HRH3: variants seen among roughly 807,000 people sequenced by gnomAD.
The protein encoded by HRH3 is histamine H3 receptor.
HRH3 carries 13 observed loss-of-function variants against 21.6 expected under a neutral mutation model. That is an observed-to-expected ratio of 0.60 (90% CI 0.39 to 0.96). The LOEUF (loss-of-function observed/expected upper bound fraction) is 0.96, where lower values mean the gene tolerates loss of function less well. Ranked by LOEUF, HRH3 falls within the 40% of genes least tolerant of loss-of-function variation. HRH3 has a pLI of 0.00. For synonymous variants in HRH3, 276 were observed against 290.3 expected (o/e 0.95, Z 0.50); for missense variants, 461 against 622.7 (o/e 0.74, Z 2.76).
chr20:62,216,645 C>T lies in HRH3; in HGVS notation c.699G>A (p.Leu233=). Residue 233 remains leucine (L), a synonymous_variant, in exon 3 of 3, where the codon CTG becomes CTA. Coordinates refer to ENST00000340177, the MANE Select transcript of HRH3 (RefSeq NM_007232.3). ...LNIQRRTRLR[L]DGAREAAGPE... ...GGCCGGCTGCCTCTCGAGCCCCATC[C>T]AGCCGGAGGCGGGTGCGCCTCTGGA... 2 of 1,612,694 alleles carry T rather than the reference C, an allele frequency of 1.2e-6. No individual in the cohort carries two copies. Among genetic ancestry groups the T allele is most frequent in the Non-Finnish European group, 1.7e-6 (2 of 1,179,856 alleles).
rs1288693054 is a variant in HRH3, at chr20:62,218,202, C to T, written c.417+289G>A. Among the ~76,000 whole-genome samples the T allele has an allele frequency of 6.6e-6, 1 of 152,218 alleles. No homozygotes were observed. ...CTGGCCCCAGATCCTCCCTTAACTC[C>T]GGGGACTGTGGACCTGCCCCAGGGC... On this transcript the variant is annotated intron_variant, in intron 2 of 2. Coordinates refer to ENST00000340177, the MANE Select transcript of HRH3 (RefSeq NM_007232.3). This position sits in a 1 kb window ranked among gnomAD's most constrained non-coding sequence, Gnocchi z 5.6.
Position 62,216,828 on chromosome 20 carries a change from C to T in HRH3, c.516G>A (p.Leu172=). 1 of 1,612,934 alleles carries T rather than the reference C, an allele frequency of 6.2e-7. No homozygotes were observed. The highest frequency in any genetic ancestry group is 1.1e-5 in the South Asian group (1 of 91,082). Residue 172 remains leucine, a synonymous_variant, in exon 3 of 3, where the codon CTG becomes CTA. Coordinates refer to ENST00000340177, the MANE Select transcript of HRH3 (RefSeq NM_007232.3). ...LAFLLYGPAI[L]SWEYLSGGSS... is the part of the protein sequence containing the mutation. ...TGCCCCCGGACAGGTACTCCCAGCT[C>T]AGGATGGCTGGTCCGTACAGCAGGA... is the stretch of plus-strand genomic sequence containing the variant.
In HRH3 at chr20:62,216,600, G is replaced by A. The variant is rs1272524996; in HGVS notation, c.744C>T (p.Ala248=). 23 of 1,608,532 alleles carry A rather than the reference G, an allele frequency of 1.4e-5. No individual in the cohort carries two copies. The highest frequency in any genetic ancestry group is 1.9e-5 in the Non-Finnish European group (22 of 1,178,018). The change falls in exon 3 of 3, where the codon GCC becomes GCT. Residue 248 remains alanine (A), a synonymous_variant. Coordinates refer to ENST00000340177, the MANE Select transcript of HRH3 (RefSeq NM_007232.3). ...CAGGCGGTGGGGGTGGTGAGGGCTG[G>A]GCCTCGGGAGGGGGCTCGGGGCCGG... ...EAAGPEPPPE[A]QPSPPPPPGC... is the part of the protein sequence containing the mutation.
intron 2 of HRH3, among the ~76,000 whole-genome samples, chr20:62,217,827 C>T (rs775948751): frequency 2.0e-4 from 30 of 152,180 alleles, no homozygotes; most frequent in Admixed American, 8.5e-4. Flanking sequence ...AGGGAGAGAC[C>T]ACAGGGGGAT....
In HRH3 at chr20:62,218,864, C is replaced by G. The variant is rs1437341470; in HGVS notation, c.251-207G>C. Among the ~76,000 whole-genome samples, 1 of 151,902 alleles carries G rather than the reference C, an allele frequency of 6.6e-6. No homozygotes were observed. Among genetic ancestry groups the G allele is most frequent in the African/African-American group, 2.4e-5 (1 of 41,348 alleles). Reference sequence around the variant, plus strand: ...ACCCCCACATAGCTCCCAGCACTATCTGTGTCCCCTGGGCCTGGGGGCAGG... The same window carrying G: ...ACCCCCACATAGCTCCCAGCACTATGTGTGTCCCCTGGGCCTGGGGGCAGG... On this transcript the variant is annotated intron_variant, in intron 1 of 2. Transcript: ENST00000340177. The surrounding 1 kb of genome is among the most constrained non-coding windows in gnomAD (Gnocchi z 5.6).
rs1978748132 is a variant in HRH3, at chr20:62,220,021, G to A, written c.-51C>T. ...GGACGCGGGGCAGGGCGCCGGCCGAGAGCTGGGCGGCCGGGAGGGGCCCCG... is the reference window on the plus strand; with the variant it reads ...GGACGCGGGGCAGGGCGCCGGCCGAAAGCTGGGCGGCCGGGAGGGGCCCCG... On this transcript the variant is annotated 5_prime_UTR_variant, in exon 1 of 3. Transcript: ENST00000340177. 3 of 991,408 alleles carry A rather than the reference G, an allele frequency of 3.0e-6. No individual in the cohort carries two copies. The highest frequency in any genetic ancestry group is 3.6e-6 in the Non-Finnish European group (3 of 835,528). 61.4% of individuals were successfully genotyped at this position (991,408 alleles called of 1,614,324 possible).
At position 62,216,904 on chromosome 20, in the gene HRH3, C is replaced by G; in HGVS notation, c.440G>C (p.Gly147Ala). ...TRAVSYRAQQ[G>A]DTRRAVRKML... is the part of the protein sequence containing the mutation. ...CTTCCGCACTGCCCGCCGCGTGTCACCCTGCTGGGCCCGGTATGAGACCTG... is the reference window on the plus strand; with the variant it reads ...CTTCCGCACTGCCCGCCGCGTGTCAGCCTGCTGGGCCCGGTATGAGACCTG... Residue 147 changes from glycine (G) to alanine (A), a missense_variant, in exon 3 of 3, where the codon GGT becomes GCT. Coordinates refer to ENST00000340177, the MANE Select transcript of HRH3 (RefSeq NM_007232.3). 2 of 1,605,414 alleles carry G rather than the reference C, an allele frequency of 1.2e-6. No individual in the cohort carries two copies. The highest frequency in any genetic ancestry group is 8.5e-7 in the Non-Finnish European group (1 of 1,175,128).
Position 62,219,393 on chromosome 20 carries a change from C to T in HRH3, c.250+328G>A, listed in dbSNP as rs1978716116. On this transcript the variant is annotated intron_variant, in intron 1 of 2. Coordinates refer to ENST00000340177, the MANE Select transcript of HRH3 (RefSeq NM_007232.3). The surrounding 1 kb of genome is among the most constrained non-coding windows in gnomAD (Gnocchi z 8.7). Reference sequence around the variant, plus strand: ...CCTTCTCTAAACCGCCCCACTGCGCCCTCCGCGCGTCCTAAGTCCGCAGCA... The same window carrying T: ...CCTTCTCTAAACCGCCCCACTGCGCTCTCCGCGCGTCCTAAGTCCGCAGCA... Among the ~76,000 whole-genome samples the T allele has an allele frequency of 1.3e-5, 2 of 152,250 alleles. No homozygotes were observed. Among genetic ancestry groups the T allele is most frequent in the African/African-American group, 4.8e-5 (2 of 41,564 alleles).
chr20:62,215,908 A>T lies in HRH3; in HGVS notation c.*98T>A. 1.7e-6 allele frequency: 2 copies of T among 1,185,000 alleles called. No individual in the cohort carries two copies. The highest frequency in any genetic ancestry group is 2.3e-6 in the Non-Finnish European group (2 of 866,394). The allele number at this position is 1,185,000 out of a possible 1,614,324, so 73.4% of individuals were successfully genotyped here. On this transcript the variant is annotated 3_prime_UTR_variant, in exon 3 of 3. Transcript: ENST00000340177. ...GAGGGCCACAGACACGGCGGGGCTC[A>T]CCCCTGGGGGAACGAGCCGGGTAGG...
chr20:62,218,203 G>A lies in HRH3; in HGVS notation c.417+288C>T, dbSNP rs1031862930. Among the ~76,000 whole-genome samples, 13 of 152,206 alleles carry A rather than the reference G, an allele frequency of 8.5e-5. No homozygotes were observed. The highest frequency in any genetic ancestry group is 1.5e-4 in the Non-Finnish European group (10 of 68,026). On this transcript the variant is annotated intron_variant, in intron 2 of 2. Transcript: ENST00000340177. This position sits in a 1 kb window ranked among gnomAD's most constrained non-coding sequence, Gnocchi z 5.6. ...TGGCCCCAGATCCTCCCTTAACTCC[G>A]GGGACTGTGGACCTGCCCCAGGGCG...
rs1978477496 is a variant in HRH3 at position 62,215,087 on chromosome 20, C to T, written c.*919G>A. 3.0e-6 allele frequency: 1 copy of T among 330,622 alleles called. No individual in the cohort carries two copies. Among genetic ancestry groups the T allele is most frequent in the Non-Finnish European group, 6.0e-6 (1 of 166,084 alleles). The allele number at this position is 330,622 out of a possible 1,614,324, so 20.5% of individuals were successfully genotyped here. ...CAGCACATGGCGAAGCGGCCCCTGC[C>T]CGGGCACCTCCTCTGGACCGCCCCT... On this transcript the variant is annotated 3_prime_UTR_variant, in exon 3 of 3. Coordinates refer to ENST00000340177, the MANE Select transcript of HRH3 (RefSeq NM_007232.3).
rs1978668830 is a variant in HRH3 at position 62,218,422 on chromosome 20, C to G, written c.417+69G>C. 1 of 1,536,198 alleles carries G rather than the reference C, an allele frequency of 6.5e-7. No homozygotes were observed. The highest frequency in any genetic ancestry group is 1.4e-5 in the African/African-American group (1 of 73,556). ...CAACTCAGAAGTGGCCGTCCCCACC[C>G]AGGTGCCTCCCATGGGCGTCCCGAC... is the stretch of plus-strand genomic sequence containing the variant. On this transcript the variant is annotated intron_variant, in intron 2 of 2. Transcript: ENST00000340177. This position sits in a 1 kb window ranked among gnomAD's most constrained non-coding sequence, Gnocchi z 5.6.
In HRH3 at chr20:62,215,487, T is replaced by C; in HGVS notation, c.*519A>G. 8.8e-6 allele frequency: 4 copies of C among 456,124 alleles called. No individual in the cohort carries two copies. Among genetic ancestry groups the C allele is most frequent in the South Asian group, 6.2e-5 (4 of 64,510 alleles). The allele number at this position is 456,124 out of a possible 1,614,324, so 28.3% of individuals were successfully genotyped here. A position where few individuals can be genotyped will look rare whatever the true frequency, so the allele number is the denominator to read the frequency against. ...TTGACACTTTTGGGGGCAGAGAGAG[T>C]TGGTGGGAAGAGGGGTGAAAGGGCC... On this transcript the variant is annotated 3_prime_UTR_variant, in exon 3 of 3. Transcript: ENST00000340177.
chr20:62,218,991 G>A lies in HRH3; in HGVS notation c.251-334C>T, dbSNP rs1022723566. Among the ~76,000 whole-genome samples, 1 of 151,758 alleles carries A rather than the reference G, an allele frequency of 6.6e-6. No homozygotes were observed. Among genetic ancestry groups the A allele is most frequent in the African/African-American group, 2.4e-5 (1 of 41,300 alleles). On this transcript the variant is annotated intron_variant, in intron 1 of 2. Coordinates refer to ENST00000340177, the MANE Select transcript of HRH3 (RefSeq NM_007232.3). The surrounding 1 kb of genome is among the most constrained non-coding windows in gnomAD (Gnocchi z 5.6). ...TGTCCAGCCCTCCCAGCCCTCAAAG[G>A]AGGAAAGAAGACAATTTCCTTCTCC...
At position 62,215,169 on chromosome 20, in the gene HRH3, G is replaced by T. The variant is rs1357823598; in HGVS notation, c.*837C>A. 1 of 367,850 alleles carries T rather than the reference G, an allele frequency of 2.7e-6. No homozygotes were observed. Among genetic ancestry groups the T allele is most frequent in the Non-Finnish European group, 5.4e-6 (1 of 186,160 alleles). The allele number at this position is 367,850 out of a possible 1,614,324, so 22.8% of individuals were successfully genotyped here. A position where few individuals can be genotyped will look rare whatever the true frequency, so the allele number is the denominator to read the frequency against. ...CCCCCTCCTCCCAACAACCCCCAGA[G>T]GTCCTGGGTGAGCAAACAGAGTGGC... On this transcript the variant is annotated 3_prime_UTR_variant, in exon 3 of 3. Coordinates refer to ENST00000340177, the MANE Select transcript of HRH3 (RefSeq NM_007232.3).
chr20:62,219,927 G>C lies in HRH3; in HGVS notation c.44C>G (p.Ala15Gly). 1 of 1,235,430 alleles carries C rather than the reference G, an allele frequency of 8.1e-7. No individual in the cohort carries two copies. The highest frequency in any genetic ancestry group is 3.0e-5 in the South Asian group (1 of 33,852). 76.5% of individuals were successfully genotyped at this position (1,235,430 alleles called of 1,614,324 possible). The change falls in exon 1 of 3, where the codon GCG becomes GGG. Residue 15 changes from alanine to glycine, a missense_variant. By Grantham distance (60) the Ala-to-Gly change is moderately conservative. Around this residue, in one of 6 missense-constraint regions of HRH3, gnomAD observed 102 missense variants for 155.6 expected, o/e 0.66. Coordinates refer to ENST00000340177, the MANE Select transcript of HRH3 (RefSeq NM_007232.3). This position sits in a 1 kb window ranked among gnomAD's most constrained non-coding sequence, Gnocchi z 8.7. Reference protein sequence around the residue: ...PPDGPLNASGALAGEAAAAGG... With the variant: ...PPDGPLNASGGLAGEAAAAGG... ...CGCCGCCGCCGCCTCGCCCGCCAGC[G>C]CCCCCGAAGCGTTCAGCGGCCCGTC...
In HRH3 at chr20:62,216,813, C is replaced by A. The variant is rs747717944; in HGVS notation, c.531G>T (p.Leu177=). The change falls in exon 3 of 3, where the codon CTG becomes CTT. Residue 177 remains leucine (L), a synonymous_variant. Transcript: ENST00000340177. ...CCTCGGGGATGGAGCTGCCCCCGGA[C>A]AGGTACTCCCAGCTCAGGATGGCTG... The part of the protein sequence containing the change: ...YGPAILSWEY[L]SGGSSIPEGH... 20 of 1,612,986 alleles carry A rather than the reference C, an allele frequency of 1.2e-5. No individual in the cohort carries two copies. Among genetic ancestry groups the A allele is most frequent in the Non-Finnish European group, 1.7e-5 (20 of 1,179,996 alleles).
intron 2 of HRH3, 57 bp from the exon 3 acceptor site, chr20:62,216,983 C>T: frequency 6.8e-7 from 1 of 1,470,566 alleles, no homozygotes; most frequent in African/African-American, 1.4e-5. Flanking sequence ...GCTGGGTGCG[C>T]CCCCGTAGCC....
At position 62,219,919 on chromosome 20, in the gene HRH3, C is replaced by T; in HGVS notation, c.52G>A (p.Gly18Ser). ...GPLNASGALA[G>S]EAAAAGGARG... ...GCCCCGCCCGCCGCCGCCGCCTCGC[C>T]CGCCAGCGCCCCCGAAGCGTTCAGC... Residue 18 changes from glycine (G) to serine (S), a missense_variant, in exon 1 of 3, where the codon GGC (glycine) becomes AGC (serine). By Grantham distance (56) the Gly-to-Ser change is moderately conservative. Transcript: ENST00000340177. The surrounding 1 kb of genome is among the most constrained non-coding windows in gnomAD (Gnocchi z 8.7). The T allele has an allele frequency of 7.7e-7, 1 of 1,304,706 alleles. No homozygotes were observed. Among genetic ancestry groups the T allele is most frequent in the Non-Finnish European group, 9.7e-7 (1 of 1,033,920 alleles). The allele number at this position is 1,304,706 out of a possible 1,614,324, so 80.8% of individuals were successfully genotyped here.
Sources: gnomAD v4.1 joint callset for allele counts (sites outside exome capture counted in the v4.1 genomes callset) on GRCh38, gnomAD v4.1.1 for gene constraint, gnomAD v4.1.1 regional missense constraint, Gnocchi (gnomAD v3.1) non-coding constraint, MANE v1.5 for transcripts, NCBI Gene and HGNC (gene_info 2026-07-23, HGNC 2026-07-21) for gene names.